NRXN3: variants seen among roughly 807,000 people sequenced by gnomAD.
NRXN3 encodes neurexin III.
Under a neutral mutation model 137.6 loss-of-function variants are expected in NRXN3, and 32 were observed. That is an observed-to-expected ratio of 0.23 (90% CI 0.18 to 0.31). The LOEUF is 0.31. NRXN3 is among the 10% of genes least tolerant of loss of function. The pLI, the probability that NRXN3 is intolerant of heterozygous loss-of-function variation, is 1.00. For missense variants in NRXN3, 1,574 were observed against 2,062.5 expected (o/e 0.76, Z 4.59); for synonymous variants, 798 against 784.5 (o/e 1.02, Z -0.29).
At chr14:79,371,450 A>C in intron 15 of NRXN3, among the ~76,000 whole-genome samples, 1 of 152,064 alleles carries the variant, frequency 6.6e-6, no homozygotes, top group East Asian at 1.9e-4. Flanking sequence ...ATTCTTGATT[A>C]CCACTTATTT....
chr14:78,487,928 G>A (rs1031758104), intron 4 of NRXN3, among the ~76,000 whole-genome samples: 2 of 151,886 alleles, frequency 1.3e-5, no homozygotes, highest in African/African-American at 2.4e-5. Flanking sequence ...TTCACAGGGT[G>A]TATCAGTGTG....
intron 16 of NRXN3, among the ~76,000 whole-genome samples, chr14:79,626,493 G>A (rs2098282951): frequency 1.3e-5 from 2 of 151,182 alleles, no homozygotes; most frequent in South Asian, 4.2e-4. Flanking sequence ...TTCTCCCCAT[G>A]CTCAAGAAGA....
In NRXN3 at chr14:78,395,904, A is replaced by G. The variant is rs367984546; in HGVS notation, c.757+98044A>G. Among the ~76,000 whole-genome samples the G allele has an allele frequency of 2.6e-5, 4 of 152,144 alleles. No individual in the cohort carries two copies. The East Asian group carries it at 7.7e-4, about 29-fold the overall frequency. ...TATTAGAATTGAATTCTTTGTAGATAGCATATAGTTGGGTCATGTTTTTAA... is the reference window on the plus strand; with the variant it reads ...TATTAGAATTGAATTCTTTGTAGATGGCATATAGTTGGGTCATGTTTTTAA... On this transcript the variant is annotated intron_variant, in intron 4 of 20. Coordinates refer to ENST00000335750, the MANE Select transcript of NRXN3 (RefSeq NM_001330195.2).
chr14:78,730,307 A>T (rs901573091), intron 8 of NRXN3, among the ~76,000 whole-genome samples: 1 of 151,864 alleles, frequency 6.6e-6, no homozygotes, highest in African/African-American at 2.4e-5. Flanking sequence ...CGTGGATGAT[A>T]CCCTTTTGTT....
intron 14 of NRXN3, among the ~76,000 whole-genome samples, chr14:78,985,574 G>A (rs555543624): frequency 9.2e-5 from 14 of 152,284 alleles, no homozygotes; most frequent in African/African-American, 2.4e-4. Flanking sequence ...GAGGGAAGGC[G>A]AAAGATATGG....
At chr14:78,409,088 ATACT>A (rs2092676324) in intron 4 of NRXN3, among the ~76,000 whole-genome samples, 1 of 152,222 alleles carries the variant, frequency 6.6e-6, no homozygotes, top group South Asian at 2.1e-4. Flanking sequence ...CCTTCAATAA[ATACT>A]TACGAAGCTG....
intron 15 of NRXN3, among the ~76,000 whole-genome samples, chr14:79,301,170 T>C (rs1459258151): frequency 6.6e-6 from 1 of 152,058 alleles, no homozygotes. Context: ...ATTCCTTTCC[T>C]CTCTGTAAGT....
intron 4 of NRXN3, among the ~76,000 whole-genome samples, chr14:78,300,526 C>G (rs2076775510): frequency 6.6e-6 from 1 of 152,182 alleles, no homozygotes; most frequent in African/African-American, 2.4e-5. Flanking sequence ...ACTGCCTTTA[C>G]TGTTGTGAGT....
intron 16 of NRXN3, among the ~76,000 whole-genome samples, chr14:79,529,078 T>C (rs757686030): frequency 7.2e-5 from 11 of 152,098 alleles, no homozygotes; most frequent in Non-Finnish European, 1.5e-4. Flanking sequence ...AGACACCAAA[T>C]TGTAAAAGGA....
intron 2 of NRXN3, among the ~76,000 whole-genome samples, chr14:78,255,933 C>G (rs985321765): frequency 1.3e-5 from 2 of 152,156 alleles, no homozygotes; most frequent in East Asian, 3.9e-4. Context: ...CAGGTCCAAT[C>G]GGACCACACT....
Position 79,564,459 on chromosome 14 carries a change from A to G in NRXN3, c.3444+97057A>G, listed in dbSNP as rs2097529675. Among the ~76,000 whole-genome samples the G allele has an allele frequency of 2.0e-5, 3 of 152,194 alleles. No individual in the cohort carries two copies. The South Asian group carries it at 6.2e-4, about 32-fold the overall frequency. Reference sequence around the variant, plus strand: ...TGAGAATCTATTTATGAAAAGGCCAAGATGATAATGTTAGCTAAGTGCTAA... The same window carrying G: ...TGAGAATCTATTTATGAAAAGGCCAGGATGATAATGTTAGCTAAGTGCTAA... On this transcript the variant is annotated intron_variant, in intron 16 of 20. Transcript: ENST00000335750.
intron 20 of NRXN3, among the ~76,000 whole-genome samples, chr14:79,820,383 AACGTGTTCT>A (rs2099267916): frequency 6.6e-6 from 1 of 152,154 alleles, no homozygotes; most frequent in Non-Finnish European, 1.5e-5. Context: ...TGAGGTGAAT[AACGTGTTCT>A]ACCACCTGGC....
intron 15 of NRXN3, among the ~76,000 whole-genome samples, chr14:79,302,040 A>G (rs1030779793): frequency 6.6e-6 from 1 of 151,994 alleles, no homozygotes; most frequent in Non-Finnish European, 1.5e-5. Flanking sequence ...CTGACAATCA[A>G]ACTTTTCAAA....
At chr14:79,488,652 C>T (rs115359240) in intron 16 of NRXN3, among the ~76,000 whole-genome samples, 1,681 of 152,194 alleles carry the variant, frequency 0.011, 29 homozygotes, top group African/African-American at 0.039. Context: ...TGGAGCTCTT[C>T]CTATGGAGTA....
chr14:79,650,021 A>G (rs1347331018), intron 16 of NRXN3, among the ~76,000 whole-genome samples: 3 of 152,168 alleles, frequency 2.0e-5, no homozygotes, highest in Admixed American at 2.0e-4. Context: ...GAGAGAAATC[A>G]TGCCTAATGT....
intron 15 of NRXN3, among the ~76,000 whole-genome samples, chr14:79,364,650 G>A (rs757186867): frequency 2.2e-5 from 3 of 139,358 alleles, no homozygotes; most frequent in South Asian, 2.4e-4. Context: ...ATTTTTCAAT[G>A]AATCAATTAG....
At chr14:78,551,125 G>T (rs1295375065) in intron 4 of NRXN3, among the ~76,000 whole-genome samples, 1 of 152,170 alleles carries the variant, frequency 6.6e-6, no homozygotes, top group Admixed American at 6.6e-5. Context: ...GCATGCATAT[G>T]AATAGCATTT....
At chr14:78,795,243 G>A (rs187621734) in intron 8 of NRXN3, among the ~76,000 whole-genome samples, 7 of 152,270 alleles carry the variant, frequency 4.6e-5, no homozygotes, top group African/African-American at 1.4e-4. Flanking sequence ...TTTAAGCATC[G>A]TACAGATAAA....
At position 78,405,543 on chromosome 14, in the gene NRXN3, C is replaced by A. The variant is rs527800583; in HGVS notation, c.757+107683C>A. ...ATCTCAGAGTGTTTGTCACTGGCCA[C>A]AGTTTATATACAAGCTATACAGGCT... On this transcript the variant is annotated intron_variant, in intron 4 of 20. Transcript: ENST00000335750. 4.9e-5 allele frequency among the ~76,000 whole-genome samples: 7 copies of A among 142,028 alleles called. No homozygotes were observed. In the Admixed American group the frequency reaches 5.3e-4, roughly 11 times the overall value. 93.2% of individuals were successfully genotyped at this position (142,028 alleles called of 152,430 possible).
Sources: allele counts gnomAD v4.1 joint callset (sites outside exome capture counted in the v4.1 genomes callset), GRCh38; gene constraint gnomAD v4.1.1; transcripts MANE v1.5; gene names NCBI Gene and HGNC (gene_info 2026-07-23, HGNC 2026-07-21).